Variants in UTRN observed in about 807,000 individuals in gnomAD.
The protein encoded by UTRN is dystrophin-related protein 1.
In UTRN, 283 loss-of-function variants were observed where a neutral mutation model predicts 463.9. That is an observed-to-expected ratio of 0.61 (90% CI 0.55 to 0.67). The LOEUF is 0.67. Ranked by LOEUF, UTRN falls within the 30% of genes least tolerant of loss-of-function variation. The probability of loss-of-function intolerance (pLI) is 0.00; values close to 1 mark genes in which losing one functional copy is unlikely to be tolerated. For synonymous variants in UTRN, 1,442 were observed against 1,431.5 expected (o/e 1.01, Z -0.17); for missense variants, 3,922 against 4,084.3 (o/e 0.96, Z 1.08).
In UTRN at chr6:144,594,659, T is replaced by C. The variant is rs1803459997; in HGVS notation, c.7479+17371T>C. ...TCATGTAAAAGTCACTTTTAAAATGTACAATTCAGTGCTTTTGGCATGTTC... is the reference window on the plus strand; with the variant it reads ...TCATGTAAAAGTCACTTTTAAAATGCACAATTCAGTGCTTTTGGCATGTTC... On this transcript the variant is annotated intron_variant, in intron 51 of 74. Coordinates refer to ENST00000367545, the MANE Select transcript of UTRN (RefSeq NM_007124.3). Among the ~76,000 whole-genome samples the C allele has an allele frequency of 2.0e-5, 3 of 152,306 alleles. No individual in the cohort carries two copies. In the South Asian group the frequency reaches 6.2e-4, roughly 32 times the overall value.
intron 51 of UTRN, among the ~76,000 whole-genome samples, chr6:144,632,554 T>G (rs1192428101): frequency 6.6e-6 from 1 of 152,104 alleles, no homozygotes; most frequent in East Asian, 1.9e-4. Context: ...AGATGTACAA[T>G]TTTGTAAAAT....
chr6:144,687,844 T>C (rs1782922166), intron 52 of UTRN, among the ~76,000 whole-genome samples: 1 of 152,202 alleles, frequency 6.6e-6, no homozygotes. Flanking sequence ...GTCCTTTTTG[T>C]AGTGAGTCTC....
At chr6:144,817,395 C>T (rs1177436879) in intron 65 of UTRN, among the ~76,000 whole-genome samples, 1 of 151,854 alleles carries the variant, frequency 6.6e-6, no homozygotes, top group Non-Finnish European at 1.5e-5. Flanking sequence ...TTTTATCTTT[C>T]TATCATAATA....
chr6:144,620,407 A>T (rs1775231890), intron 51 of UTRN, among the ~76,000 whole-genome samples: 1 of 151,908 alleles, frequency 6.6e-6, no homozygotes, highest in Non-Finnish European at 1.5e-5. Flanking sequence ...TAATTGGTAG[A>T]CTTACAGGCC....
chr6:144,555,079 C>A (rs1336461394), intron 49 of UTRN, among the ~76,000 whole-genome samples, 186 bp downstream of exon 49: 1 of 152,018 alleles, frequency 6.6e-6, no homozygotes, highest in Non-Finnish European at 1.5e-5. Flanking sequence ...GGAGGCATAA[C>A]AAGTAAGAAT....
intron 52 of UTRN, among the ~76,000 whole-genome samples, chr6:144,699,806 G>A (rs949150767): frequency 3.4e-5 from 5 of 148,998 alleles, no homozygotes; most frequent in Admixed American, 2.0e-4. Flanking sequence ...ATTCAAAATA[G>A]CTGTTTCTTA....
intron 24 of UTRN, among the ~76,000 whole-genome samples, chr6:144,474,061 G>A (rs137983481): frequency 1.3e-5 from 2 of 151,814 alleles, no homozygotes; most frequent in African/African-American, 4.8e-5. Context: ...ATAGAATAGA[G>A]AACAAGAACA....
chr6:144,304,764 C>G (rs1805561232), intron 2 of UTRN, among the ~76,000 whole-genome samples: 1 of 151,750 alleles, frequency 6.6e-6, no homozygotes, highest in Non-Finnish European at 1.5e-5. Context: ...GAGTTGTATC[C>G]TAAGCATAAT....
chr6:144,590,959 G>A (rs1160380917), intron 51 of UTRN, among the ~76,000 whole-genome samples: 2 of 151,816 alleles, frequency 1.3e-5, no homozygotes, highest in Admixed American at 6.6e-5. Flanking sequence ...AACAAAGCCT[G>A]GCACATATCT....
chr6:144,616,725 G>T (rs1806148696), intron 51 of UTRN, among the ~76,000 whole-genome samples: 1 of 152,016 alleles, frequency 6.6e-6, no homozygotes, highest in Admixed American at 6.6e-5. Flanking sequence ...TTCAAGAAAA[G>T]AATTCTTTAG....
chr6:144,588,339 C>T (rs760094468), intron 51 of UTRN, among the ~76,000 whole-genome samples: 21 of 152,154 alleles, frequency 1.4e-4, no homozygotes, highest in Non-Finnish European at 2.4e-4. Flanking sequence ...AATCAGAAAA[C>T]TCATGCTATC....
chr6:144,314,483 C>A (rs1199085071), intron 2 of UTRN, among the ~76,000 whole-genome samples: 1 of 152,200 alleles, frequency 6.6e-6, no homozygotes, highest in Admixed American at 6.5e-5. Context: ...AAAAGCTGCT[C>A]TTGGGTTGGC....
chr6:144,584,243 C>T (rs1802248209), intron 51 of UTRN, among the ~76,000 whole-genome samples: 1 of 152,126 alleles, frequency 6.6e-6, no homozygotes. Flanking sequence ...CGAACATAAA[C>T]CATTCAATCA....
intron 2 of UTRN, among the ~76,000 whole-genome samples, chr6:144,368,782 GA>G (rs911638859): frequency 5.9e-5 from 9 of 151,952 alleles, no homozygotes; most frequent in Non-Finnish European, 8.8e-5. Context: ...AAAAAAAAAG[GA>G]TTATAAATGA....
intron 72 of UTRN, 96 bp downstream of exon 72, chr6:144,839,380 G>A: frequency 1.1e-6 from 1 of 932,768 alleles, no homozygotes; most frequent in Non-Finnish European, 1.6e-6. Context: ...ACACACTGGT[G>A]CCTTAGGAAG....
At chr6:144,447,152 T>G in intron 14 of UTRN, 59 bp from the exon 15 acceptor site, 1 of 1,500,676 alleles carries the variant, frequency 6.7e-7, no homozygotes, top group East Asian at 2.3e-5. Flanking sequence ...GGATGCATGA[T>G]TTAATTGAAT....
At chr6:144,718,706 T>G (rs6905526) in intron 53 of UTRN, among the ~76,000 whole-genome samples, 61,569 of 152,048 alleles carry the variant, frequency 0.4, 16,617 homozygotes, top group East Asian at 0.72. Flanking sequence ...CACAGAACAG[T>G]ATTTTTAACA....
chr6:144,461,263 A>G lies in UTRN; in HGVS notation c.2774A>G (p.Asp925Gly). Residue 925 changes from aspartate (D) to glycine (G), a missense_variant, in exon 22 of 75, where the codon GAT (aspartate) becomes GGT (glycine). Asp to Gly is a moderately conservative substitution (Grantham distance 94). Coordinates refer to ENST00000367545, the MANE Select transcript of UTRN (RefSeq NM_007124.3). ...TLKTLKDVLN[D>G]SENKAQVSLN... ...AAAACACTGAAAGATGTGCTAAATGATTCAGAAAATAAGGCCCAGGTGTCT... is the reference window on the plus strand; with the variant it reads ...AAAACACTGAAAGATGTGCTAAATGGTTCAGAAAATAAGGCCCAGGTGTCT... The G allele has an allele frequency of 1.9e-6, 3 of 1,611,242 alleles. No individual in the cohort carries two copies. Among genetic ancestry groups the G allele is most frequent in the Non-Finnish European group, 2.5e-6 (3 of 1,178,214 alleles).
chr6:144,633,706 CT>C (rs1776798134), intron 51 of UTRN, among the ~76,000 whole-genome samples: 1 of 152,230 alleles, frequency 6.6e-6, no homozygotes, highest in Non-Finnish European at 1.5e-5. Flanking sequence ...CTGCACTACA[CT>C]AATATTCTAT....
Sources: gnomAD v4.1 joint callset for allele counts (sites outside exome capture counted in the v4.1 genomes callset) on GRCh38, gnomAD v4.1.1 for gene constraint, MANE v1.5 for transcripts, NCBI Gene and HGNC (gene_info 2026-07-23, HGNC 2026-07-21) for gene names.